EIF4G3: variants seen among roughly 807,000 people sequenced by gnomAD.
EIF4G3 encodes eIF-4-gamma 3.
In EIF4G3, 34 loss-of-function variants were observed where a neutral mutation model predicts 186.4. The observed-to-expected ratio is 0.18, with a 90% CI of 0.14 to 0.24. The LOEUF (loss-of-function observed/expected upper bound fraction) is 0.24. Ranked by LOEUF, EIF4G3 falls within the 10% of genes least tolerant of loss-of-function variation. EIF4G3 has a pLI of 1.00. For synonymous variants in EIF4G3, 673 were observed against 679.5 expected, an observed-to-expected ratio of 0.99 and a Z score of 0.15; for missense variants, 1,536 against 1,948.5, an observed-to-expected ratio of 0.79 and a Z score of 3.99.
intron 2 of EIF4G3, among the ~76,000 whole-genome samples, chr1:21,110,651 G>A (rs568597992): frequency 2.6e-5 from 4 of 151,546 alleles, no homozygotes; most frequent in Non-Finnish European, 4.4e-5. Flanking sequence ...GACTGGTCTC[G>A]AACTCCTGAC....
intron 3 of EIF4G3, among the ~76,000 whole-genome samples, chr1:21,056,872 T>C (rs1312880635): frequency 2.6e-5 from 4 of 152,246 alleles, no homozygotes; most frequent in Non-Finnish European, 4.4e-5. Context: ...AACAGACTGT[T>C]GTCTTTTCTA....
At chr1:20,830,079 C>T (rs927744142) in intron 30 of EIF4G3, among the ~76,000 whole-genome samples, 1 of 152,136 alleles carries the variant, frequency 6.6e-6, no homozygotes, top group African/African-American at 2.4e-5. Flanking sequence ...CTACAGGAGA[C>T]ATACACATAA....
chr1:20,860,094 A>G (rs572084430), intron 24 of EIF4G3, among the ~76,000 whole-genome samples: 14 of 152,348 alleles, frequency 9.2e-5, no homozygotes, highest in African/African-American at 3.4e-4. Context: ...GGAAGTAACT[A>G]CATTTTCCAC....
intron 4 of EIF4G3, among the ~76,000 whole-genome samples, chr1:21,037,448 G>A (rs139526639): frequency 7.8e-4 from 119 of 152,184 alleles, no homozygotes; most frequent in African/African-American, 2.7e-3. Context: ...AAATCTAGGC[G>A]TATCTGATTG....
chr1:21,078,288 G>A (rs892005077), intron 3 of EIF4G3, among the ~76,000 whole-genome samples: 1 of 152,068 alleles, frequency 6.6e-6, no homozygotes, highest in Admixed American at 6.6e-5. Context: ...ACTCAACCAC[G>A]TCCATTTGCA....
intron 2 of EIF4G3, among the ~76,000 whole-genome samples, chr1:21,096,021 A>G (rs958263359): frequency 1.3e-5 from 2 of 152,216 alleles, no homozygotes; most frequent in African/African-American, 4.8e-5. Flanking sequence ...GTGTTTTCTA[A>G]TGCCCAATTC....
rs1452195223 is a variant in EIF4G3 at position 21,050,867 on chromosome 1, T to C, written c.-68A>G. The stretch of plus-strand genomic sequence containing the variant: ...TTTTTTAAAAAAGGTTTATCTTACT[T>C]GAGAGAGTCCAGGGGACGATGCATG... On this transcript the variant is annotated splice_region_variant and 5_prime_UTR_variant, in exon 4 of 37. Transcript: ENST00000602326. The C allele has an allele frequency of 1.4e-6, 1 of 695,516 alleles. No homozygotes were observed. Among genetic ancestry groups the C allele is most frequent in the Admixed American group, 2.4e-5 (1 of 41,968 alleles). 43.1% of individuals were successfully genotyped at this position (695,516 alleles called of 1,614,324 possible). A position where few individuals can be genotyped will look rare whatever the true frequency, so the allele number is the denominator to read the frequency against.
chr1:20,988,092 T>C (rs1172844791), intron 7 of EIF4G3, among the ~76,000 whole-genome samples: 1 of 152,226 alleles, frequency 6.6e-6, no homozygotes, highest in East Asian at 1.9e-4. Context: ...CTAACTCTCA[T>C]TTCAATTCTG....
At chr1:21,034,326 T>C (rs1490644006) in intron 4 of EIF4G3, among the ~76,000 whole-genome samples, 1 of 152,232 alleles carries the variant, frequency 6.6e-6, no homozygotes. Flanking sequence ...TTAATGAATG[T>C]TTTAAGCAAC....
At chr1:20,978,359 C>A (rs1417482567) in intron 10 of EIF4G3, among the ~76,000 whole-genome samples, 1 of 152,030 alleles carries the variant, frequency 6.6e-6, no homozygotes, top group Non-Finnish European at 1.5e-5. Context: ...TATCAAATTT[C>A]ATAGTAATGA....
At chr1:21,041,156 C>G (rs1226204253) in intron 4 of EIF4G3, among the ~76,000 whole-genome samples, 2 of 152,168 alleles carry the variant, frequency 1.3e-5, no homozygotes, top group African/African-American at 4.8e-5. Context: ...GATGTCTTAT[C>G]ACATTTACTT....
At chr1:21,105,745 AG>A (rs1431806862) in intron 2 of EIF4G3, among the ~76,000 whole-genome samples, 1 of 152,162 alleles carries the variant, frequency 6.6e-6, no homozygotes, top group Admixed American at 6.6e-5. Flanking sequence ...TACAGGTTTT[AG>A]GTGGGAAACA....
intron 14 of EIF4G3, among the ~76,000 whole-genome samples, chr1:20,921,444 T>C (rs2094489921): frequency 6.6e-6 from 1 of 152,212 alleles, no homozygotes; most frequent in Non-Finnish European, 1.5e-5. Flanking sequence ...TGCCTCATTA[T>C]ATAAACTGAC....
chr1:21,050,899 G>C lies in EIF4G3; in HGVS notation c.-100C>G, dbSNP rs763358422. 2.8e-6 allele frequency: 2 copies of C among 713,624 alleles called. No individual in the cohort carries two copies. Among genetic ancestry groups the C allele is most frequent in the South Asian group, 1.5e-5 (1 of 66,698 alleles). 44.2% of individuals were successfully genotyped at this position (713,624 alleles called of 1,614,324 possible). A position where few individuals can be genotyped will look rare whatever the true frequency, so the allele number is the denominator to read the frequency against. ...GTCCAGGGGACGATGCATGTCCCGG[G>C]GGCGTTGCCGCAAGATTTGGATGCC... On this transcript the variant is annotated 5_prime_UTR_variant, in exon 4 of 37. Transcript: ENST00000602326.
In EIF4G3 at chr1:20,807,268, TA is replaced by T; in HGVS notation, c.*50del. 1.3e-6 allele frequency: 2 copies of T among 1,534,400 alleles called. No individual in the cohort carries two copies. Among genetic ancestry groups the T allele is most frequent in the Admixed American group, 1.9e-5 (1 of 52,940 alleles). ...TGATTGGCGAAGACGTGAAACTTTTTAAAAAAATACTTAAATTGTTTCTTTT... is the reference window on the plus strand; with the variant it reads ...TGATTGGCGAAGACGTGAAACTTTTTAAAAAATACTTAAATTGTTTCTTTT... On this transcript the variant is annotated 3_prime_UTR_variant, in exon 37 of 37. Coordinates refer to ENST00000602326, the MANE Select transcript of EIF4G3 (RefSeq NM_001391906.1).
intron 4 of EIF4G3, among the ~76,000 whole-genome samples, chr1:21,010,036 TA>T (rs2086531002): frequency 6.6e-6 from 1 of 152,180 alleles, no homozygotes. Flanking sequence ...TTACTCTCTC[TA>T]AAATGGTAGC....
At chr1:20,856,179 T>C (rs559034580) in intron 25 of EIF4G3, among the ~76,000 whole-genome samples, 3 of 152,312 alleles carry the variant, frequency 2.0e-5, no homozygotes, top group Admixed American at 6.5e-5. Flanking sequence ...CCTAGCTAAT[T>C]ACATTATTAA....
At chr1:21,109,979 C>A (rs2096691144) in intron 2 of EIF4G3, among the ~76,000 whole-genome samples, 1 of 151,940 alleles carries the variant, frequency 6.6e-6, no homozygotes, top group Non-Finnish European at 1.5e-5. Context: ...GAGATGGAAA[C>A]GTTTCGCTAT....
chr1:20,987,398 G>A (rs2079821503), intron 7 of EIF4G3, among the ~76,000 whole-genome samples: 1 of 152,188 alleles, frequency 6.6e-6, no homozygotes, highest in South Asian at 2.1e-4. Flanking sequence ...GCTTTATTGT[G>A]CATTATAGAT....
Sources: allele counts gnomAD v4.1 joint callset (sites outside exome capture counted in the v4.1 genomes callset), GRCh38; gene constraint gnomAD v4.1.1; transcripts MANE v1.5; gene names NCBI Gene and HGNC (gene_info 2026-07-23, HGNC 2026-07-21).